Variants in KLHL29 observed in about 807,000 individuals in gnomAD.
The protein encoded by KLHL29 is kelch like family member 29.
A neutral mutation model predicts 80.4 loss-of-function variants in KLHL29; 21 were observed. The observed-to-expected ratio is 0.26, with a 90% CI of 0.19 to 0.38. The LOEUF (loss-of-function observed/expected upper bound fraction) is 0.38, where lower values mean the gene tolerates loss of function less well. Ranked by LOEUF, KLHL29 falls within the 10% of genes least tolerant of loss-of-function variation. KLHL29 has a pLI of 1.00. For synonymous variants in KLHL29, 511 were observed against 526.8 expected (o/e 0.97, Z 0.41); for missense variants, 867 against 1,223.9 (o/e 0.71, Z 4.35).
At chr2:23,569,649 A>G (rs1454941184) in intron 3 of KLHL29, among the ~76,000 whole-genome samples, 1 of 152,196 alleles carries the variant, frequency 6.6e-6, no homozygotes, top group African/African-American at 2.4e-5. Context: ...TCCAAAATCT[A>G]AACAGCCAAA....
At chr2:23,589,772 G>T (rs1668210235) in intron 3 of KLHL29, among the ~76,000 whole-genome samples, 2 of 152,336 alleles carry the variant, frequency 1.3e-5, no homozygotes, top group Non-Finnish European at 1.5e-5. Context: ...GCTAAATCCA[G>T]CACTCTGGTT....
At position 23,607,699 on chromosome 2, in the gene KLHL29, T is replaced by G. The variant is rs1011439096; in HGVS notation, c.286-31440T>G. Among the ~76,000 whole-genome samples, 3 of 152,262 alleles carry G rather than the reference T, an allele frequency of 2.0e-5. No homozygotes were observed. In the South Asian group the frequency reaches 6.2e-4, roughly 32 times the overall value. ...GATCAGCAATGACAATAGATTCTCA[T>G]AGGACCGTGAACCCTATTGTGAACT... On this transcript the variant is annotated intron_variant, in intron 3 of 13. Coordinates refer to ENST00000486442, the MANE Select transcript of KLHL29 (RefSeq NM_052920.2).
chr2:23,537,939 T>C (rs1004706687), intron 2 of KLHL29, among the ~76,000 whole-genome samples: 5 of 152,232 alleles, frequency 3.3e-5, no homozygotes, highest in African/African-American at 1.2e-4. Context: ...CAAAACCCCA[T>C]GATGATTTAT....
rs199591384 is a variant in KLHL29 at position 23,472,632 on chromosome 2, T to TCAAAA, written c.-153-2906_-153-2902dup. Among the ~76,000 whole-genome samples, 21 of 152,174 alleles carry TCAAAA rather than the reference T, an allele frequency of 1.4e-4. No homozygotes were observed. In the South Asian group the frequency reaches 1.9e-3, roughly 14 times the overall value. Reference sequence around the variant, plus strand: ...CTGGGCAACAGAGTGAGACTCCATCTCAAAACAAAACAAAACAAAACAAAA... The same window carrying TCAAAA: ...CTGGGCAACAGAGTGAGACTCCATCTCAAAACAAAACAAAACAAAACAAAACAAAA... On this transcript the variant is annotated intron_variant, in intron 1 of 13. Transcript: ENST00000486442.
intron 2 of KLHL29, among the ~76,000 whole-genome samples, chr2:23,501,730 T>C (rs1459205373): frequency 2.6e-5 from 4 of 152,206 alleles, no homozygotes; most frequent in Admixed American, 2.0e-4. Context: ...CCTCTAAATA[T>C]TGTTTTTAAT....
At chr2:23,659,370 A>T (rs1670338895) in intron 5 of KLHL29, among the ~76,000 whole-genome samples, 1 of 152,208 alleles carries the variant, frequency 6.6e-6, no homozygotes, top group Admixed American at 6.5e-5. Context: ...ACAGAGGAGG[A>T]AACTTCGGTT....
Position 23,533,094 on chromosome 2 carries a change from G to A in KLHL29, c.-45-29058G>A, listed in dbSNP as rs576077497. The stretch of plus-strand genomic sequence containing the variant: ...ACCAGTGGCTTCCCTGTGTGAGAGC[G>A]TCTCTCAGTTTTTCCTGAGCACGTA... On this transcript the variant is annotated intron_variant, in intron 2 of 13. Coordinates refer to ENST00000486442, the MANE Select transcript of KLHL29 (RefSeq NM_052920.2). 1.4e-4 allele frequency among the ~76,000 whole-genome samples: 21 copies of A among 152,272 alleles called. 1 individual carries two copies. Among genetic ancestry groups the A allele is most frequent in the South Asian group, 6.2e-4 (3 of 4,818 alleles).
At chr2:23,435,795 C>T (rs1027920742) in intron 1 of KLHL29, among the ~76,000 whole-genome samples, 2 of 152,064 alleles carry the variant, frequency 1.3e-5, no homozygotes, top group African/African-American at 2.4e-5. Flanking sequence ...TGTCAGTTGC[C>T]TCAAGGCCTG....
chr2:23,396,855 TC>T (rs1322496126), intron 1 of KLHL29, among the ~76,000 whole-genome samples: 1 of 152,192 alleles, frequency 6.6e-6, no homozygotes, highest in African/African-American at 2.4e-5. Flanking sequence ...ACTGCCTTTT[TC>T]TACGATGATT....
chr2:23,455,003 G>GGT (rs1553325771), intron 1 of KLHL29, among the ~76,000 whole-genome samples: 1 of 136,526 alleles, frequency 7.3e-6, no homozygotes, highest in African/African-American at 3.2e-5. Context: ...CAGTGGGTTG[G>GGT]GGGGGGGGCA....
chr2:23,446,748 C>A (rs925812652), intron 1 of KLHL29, among the ~76,000 whole-genome samples: 16 of 152,222 alleles, frequency 1.1e-4, no homozygotes, highest in Non-Finnish European at 1.3e-4. Flanking sequence ...TTTTACCCAG[C>A]TTTCCTGACA....
chr2:23,527,329 C>A (rs1043393659), intron 2 of KLHL29, among the ~76,000 whole-genome samples: 1 of 152,200 alleles, frequency 6.6e-6, no homozygotes, highest in African/African-American at 2.4e-5. Flanking sequence ...GCCCCCCAGC[C>A]ACCCCAGGGT....
In KLHL29 at chr2:23,703,307, C is replaced by A; in HGVS notation, c.2227C>A (p.Arg743=). The A allele has an allele frequency of 6.5e-7, 1 of 1,548,056 alleles. No homozygotes were observed. The highest frequency in any genetic ancestry group is 8.7e-7 in the Non-Finnish European group (1 of 1,145,542). The change falls in exon 12 of 14, where the codon CGA becomes AGA. Residue 743 remains arginine (R), a synonymous_variant. Transcript: ENST00000486442. ...YVFGGVNEAG[R]AAGVLQSYVP... ...GTTTGGTGGGGTGAACGAGGCAGGC[C>A]GAGCTGCCGGCGTCCTCCAGTCTTA...
At chr2:23,655,164 G>T (rs1670210067) in intron 5 of KLHL29, among the ~76,000 whole-genome samples, 1 of 152,310 alleles carries the variant, frequency 6.6e-6, no homozygotes, top group Non-Finnish European at 1.5e-5. Context: ...TGAGGAAGCT[G>T]CAGACAGAGC....
intron 3 of KLHL29, among the ~76,000 whole-genome samples, chr2:23,625,239 G>A (rs903531025): frequency 1.3e-5 from 2 of 152,226 alleles, no homozygotes; most frequent in African/African-American, 4.8e-5. Context: ...AGCAGGACAC[G>A]GGGTATAACT....
At chr2:23,489,416 C>T (rs1184213777) in intron 2 of KLHL29, among the ~76,000 whole-genome samples, 2 of 152,082 alleles carry the variant, frequency 1.3e-5, no homozygotes, top group Non-Finnish European at 2.9e-5. Context: ...TTCTATCTGA[C>T]CTGAATCTCC....
intron 2 of KLHL29, among the ~76,000 whole-genome samples, chr2:23,538,221 A>G (rs1476787971): frequency 1.3e-5 from 2 of 152,172 alleles, no homozygotes; most frequent in Admixed American, 6.5e-5. Flanking sequence ...ATTATGAACC[A>G]AGTAAGGCAG....
chr2:23,562,024 G>T lies in KLHL29; in HGVS notation c.-45-128G>T. 1 of 671,556 alleles carries T rather than the reference G, an allele frequency of 1.5e-6. No homozygotes were observed. The highest frequency in any genetic ancestry group is 2.5e-6 in the Non-Finnish European group (1 of 398,544). The allele number at this position is 671,556 out of a possible 1,614,324, so 41.6% of individuals were successfully genotyped here. Reference sequence around the variant, plus strand: ...AATGATCCATGCTTTGTGGGCTAGCGTGACTCTGAAATGAGCTAATGTTTG... The same window carrying T: ...AATGATCCATGCTTTGTGGGCTAGCTTGACTCTGAAATGAGCTAATGTTTG... On this transcript the variant is annotated intron_variant, in intron 2 of 13. Coordinates refer to ENST00000486442, the MANE Select transcript of KLHL29 (RefSeq NM_052920.2). This position sits in a 1 kb window ranked among gnomAD's most constrained non-coding sequence, Gnocchi z 4.5.
chr2:23,581,809 C>T (rs1335921271), intron 3 of KLHL29, among the ~76,000 whole-genome samples: 1 of 76,122 alleles, frequency 1.3e-5, no homozygotes, highest in African/African-American at 5.4e-5. Context: ...GCCTGGGCAA[C>T]AAGAATGAAA....
Sources: allele counts gnomAD v4.1 joint callset (sites outside exome capture counted in the v4.1 genomes callset), GRCh38; gene constraint gnomAD v4.1.1; non-coding constraint Gnocchi (gnomAD v3.1); transcripts MANE v1.5; gene names NCBI Gene and HGNC (gene_info 2026-07-23, HGNC 2026-07-21).